The following ARID3A variants were observed in gnomAD, a reference collection of about 807,000 sequenced individuals.
ARID3A encodes AT-rich interactive domain-containing protein 3A.
ARID3A carries 11 observed loss-of-function variants against 52.7 expected under a neutral mutation model. That is an observed-to-expected ratio of 0.21 (90% confidence interval 0.13 to 0.35). ARID3A has a LOEUF of 0.35. Ranked by LOEUF, ARID3A falls within the 10% of genes least tolerant of loss-of-function variation. The pLI is 1.00. For synonymous variants in ARID3A, 404 were observed against 359.4 expected (o/e 1.12, Z -1.40); for missense variants, 721 against 838.5 (o/e 0.86, Z 1.73).
intron 3 of ARID3A, among the ~76,000 whole-genome samples, chr19:937,955 G>A (rs1267806111): frequency 1.3e-5 from 2 of 151,744 alleles, no homozygotes; most frequent in South Asian, 2.1e-4. Flanking sequence ...TGATCCGCCC[G>A]CCTCGGCCTC....
intron 1 of ARID3A, among the ~76,000 whole-genome samples, chr19:926,376 G>C (rs1412792793): frequency 6.6e-6 from 1 of 151,804 alleles, no homozygotes; most frequent in African/African-American, 2.4e-5. Context: ...TCTGCACCCC[G>C]CTTGGAGACT....
chr19:961,090 C>A (rs2145442991), intron 4 of ARID3A, among the ~76,000 whole-genome samples: 1 of 152,320 alleles, frequency 6.6e-6, no homozygotes, highest in East Asian at 1.9e-4. Flanking sequence ...CCTGGACACT[C>A]CTCTAGGGCA....
At position 929,757 on chromosome 19, in the gene ARID3A, A is replaced by G; in HGVS notation, c.229A>G (p.Ser77Gly). Residue 77 changes from serine to glycine, a missense_variant, in exon 2 of 9, where the codon AGC (serine) becomes GGC (glycine). Ser to Gly is a moderately conservative substitution (Grantham distance 56). This residue lies in a region of ARID3A where 349 missense variants were observed against 297.3 expected (regional missense o/e 1.17). Transcript: ENST00000263620. This position sits in a 1 kb window ranked among gnomAD's most constrained non-coding sequence, Gnocchi z 6.2. ...AGCTGCGGGCCTGGGACACCCAGCC[A>G]GCCCCGGCGGCTCTGAGGATGGGCC... Reference protein sequence around the residue: ...AAAAGLGHPASPGGSEDGPPG... With the variant: ...AAAAGLGHPAGPGGSEDGPPG... 6.4e-7 allele frequency: 1 copy of G among 1,552,932 alleles called. No individual in the cohort carries two copies. Among genetic ancestry groups the G allele is most frequent in the Non-Finnish European group, 8.7e-7 (1 of 1,155,354 alleles).
At chr19:954,705 A>T (rs1324095800) in intron 3 of ARID3A, among the ~76,000 whole-genome samples, 5 of 151,952 alleles carry the variant, frequency 3.3e-5, no homozygotes, top group African/African-American at 1.2e-4. Context: ...CGGTCCTGGG[A>T]GGACGGGGGG....
chr19:943,268 GAAA>G (rs869103814), intron 3 of ARID3A, among the ~76,000 whole-genome samples: 33 of 84,958 alleles, frequency 3.9e-4, no homozygotes, highest in African/African-American at 1.3e-3. Context: ...GTCAAAAAAA[GAAA>G]AAAAAAAAAA....
In ARID3A at chr19:940,209, T is replaced by A. The variant is rs1356290982; in HGVS notation, c.693+7467T>A. On this transcript the variant is annotated intron_variant, in intron 3 of 8. Transcript: ENST00000263620. ...AATGTGTGGGGCCAGGGTGGCCAACTTTTTGGCTTCCCTGGGCTACATTGG... is the reference window on the plus strand; with the variant it reads ...AATGTGTGGGGCCAGGGTGGCCAACATTTTGGCTTCCCTGGGCTACATTGG... 2.0e-5 allele frequency among the ~76,000 whole-genome samples: 3 copies of A among 152,168 alleles called. No individual in the cohort carries two copies. The East Asian group carries it at 5.8e-4, about 29-fold the overall frequency.
At position 929,751 on chromosome 19, in the gene ARID3A, C is replaced by T; in HGVS notation, c.223C>T (p.Pro75Ser). The T allele has an allele frequency of 6.4e-7, 1 of 1,554,698 alleles. No individual in the cohort carries two copies. The highest frequency in any genetic ancestry group is 8.6e-7 in the Non-Finnish European group (1 of 1,156,912). The change falls in exon 2 of 9, where the codon CCA becomes TCA. Residue 75 changes from proline to serine, a missense_variant. Around this residue, in one of 5 missense-constraint regions of ARID3A, gnomAD observed 349 missense variants for 297.3 expected, o/e 1.17. Transcript: ENST00000263620. The surrounding 1 kb of genome is among the most constrained non-coding windows in gnomAD (Gnocchi z 6.2). ...MRAAAAGLGH[P>S]ASPGGSEDGP... ...GGCTGCAGCTGCGGGCCTGGGACAC[C>T]CAGCCAGCCCCGGCGGCTCTGAGGA...
chr19:946,871 G>A (rs531448794), intron 3 of ARID3A, among the ~76,000 whole-genome samples: 1 of 152,002 alleles, frequency 6.6e-6, no homozygotes, highest in Non-Finnish European at 1.5e-5. Flanking sequence ...TCGGCTCACT[G>A]CAGCCTCGAG....
At chr19:940,702 AGT>A (rs1286707846) in intron 3 of ARID3A, among the ~76,000 whole-genome samples, 2 of 151,514 alleles carry the variant, frequency 1.3e-5, no homozygotes, top group Non-Finnish European at 3.0e-5. Flanking sequence ...TTTGAGACAG[AGT>A]GTGTTTGTCA....
At chr19:955,448 G>A (rs1007425568) in intron 3 of ARID3A, among the ~76,000 whole-genome samples, 3 of 152,200 alleles carry the variant, frequency 2.0e-5, no homozygotes, top group Non-Finnish European at 4.4e-5. Flanking sequence ...GGGTCTGACC[G>A]TGCCTCGCCA....
At chr19:948,773 G>C (rs971647439) in intron 3 of ARID3A, among the ~76,000 whole-genome samples, 55 of 138,686 alleles carry the variant, frequency 4.0e-4, no homozygotes, top group Non-Finnish European at 7.4e-4. Flanking sequence ...GCAGTGGCAC[G>C]ATCTCAGCTC....
chr19:954,236 G>A (rs76864143), intron 3 of ARID3A, among the ~76,000 whole-genome samples: 2,668 of 152,282 alleles, frequency 0.018, 87 homozygotes, highest in African/African-American at 0.061. Context: ...GCGGCCGGGG[G>A]ACCTGGAGGT....
At chr19:939,769 G>A (rs747316002) in intron 3 of ARID3A, among the ~76,000 whole-genome samples, 6 of 152,098 alleles carry the variant, frequency 3.9e-5, no homozygotes, top group Admixed American at 1.3e-4. Flanking sequence ...CACTTCCCTC[G>A]GTCATTTCCC....
chr19:951,430 G>A (rs933860159), intron 3 of ARID3A, among the ~76,000 whole-genome samples: 1 of 152,026 alleles, frequency 6.6e-6, no homozygotes, highest in African/African-American at 2.4e-5. Flanking sequence ...GGTGGCAGGT[G>A]CCTGTGGTCC....
intron 3 of ARID3A, among the ~76,000 whole-genome samples, chr19:943,982 C>CTCCCCGTGTGTCTGGCTG (rs2037616262): frequency 6.6e-6 from 1 of 150,670 alleles, no homozygotes; most frequent in African/African-American, 2.5e-5. Flanking sequence ...CTGCTGTATG[C>CTCCCCGTGTGTCTGGCTG]CAGCCCGACC....
At chr19:948,534 C>G (rs569546081) in intron 3 of ARID3A, among the ~76,000 whole-genome samples, 1 of 151,760 alleles carries the variant, frequency 6.6e-6, no homozygotes, top group Non-Finnish European at 1.5e-5. Context: ...GACTGGGGCG[C>G]GAGACTCCAG....
chr19:962,499 C>G (rs2038062180), intron 4 of ARID3A, among the ~76,000 whole-genome samples: 1 of 147,090 alleles, frequency 6.8e-6, no homozygotes. Context: ...GGAACCAACC[C>G]TCTGCTGCTG....
In ARID3A at chr19:940,699, CAG is replaced by C. The variant is rs200486909; in HGVS notation, c.693+7960_693+7961del. Among the ~76,000 whole-genome samples, 255 of 152,302 alleles carry C rather than the reference CAG, an allele frequency of 1.7e-3. No individual in the cohort carries two copies. The Middle Eastern group carries it at 0.037, about 22-fold the overall frequency. ...ACAGAGGCAGCGGCTGTGTTTGAGA[CAG>C]AGTGTGTTTGTCAAGAGAGCCCCGA... On this transcript the variant is annotated intron_variant, in intron 3 of 8. Coordinates refer to ENST00000263620, the MANE Select transcript of ARID3A (RefSeq NM_005224.3).
chr19:930,789 G>A (rs1052622849), intron 2 of ARID3A, among the ~76,000 whole-genome samples: 30 of 151,754 alleles, frequency 2.0e-4, no homozygotes, highest in South Asian at 6.2e-4. Flanking sequence ...GATTACAGGC[G>A]TGAGCCACCA....
Sources: gnomAD v4.1 joint callset for allele counts (sites outside exome capture counted in the v4.1 genomes callset) on GRCh38, gnomAD v4.1.1 for gene constraint, gnomAD v4.1.1 regional missense constraint, Gnocchi (gnomAD v3.1) non-coding constraint, MANE v1.5 for transcripts, NCBI Gene and HGNC (gene_info 2026-07-23, HGNC 2026-07-21) for gene names.